Variants in ADGB observed in about 807,000 individuals in gnomAD.
ADGB encodes the protein androglobin, also known as calpain-7-like protein.
ADGB carries 172 observed loss-of-function variants against 210.5 expected under a neutral mutation model. The observed-to-expected ratio is 0.82, with a 90% CI of 0.72 to 0.93. The LOEUF (loss-of-function observed/expected upper bound fraction) is 0.93, where lower values mean the gene tolerates loss of function less well. Ranked by LOEUF, ADGB falls within the 40% of genes least tolerant of loss-of-function variation. The pLI is 0.00. For synonymous variants in ADGB, 658 were observed against 662.7 expected, an observed-to-expected ratio of 0.99 and a Z score of 0.11; for missense variants, 2,025 against 1,964.8, an observed-to-expected ratio of 1.03 and a Z score of -0.58.
chr6:146,727,247 T>C (rs576450874), intron 19 of ADGB, among the ~76,000 whole-genome samples: 81 of 148,548 alleles, frequency 5.5e-4, no homozygotes, highest in African/African-American at 1.8e-3. Context: ...CCAGCAAATT[T>C]CGTGGCAAGC....
chr6:146,628,756 A>T (rs1781017783), intron 1 of ADGB, among the ~76,000 whole-genome samples: 1 of 151,958 alleles, frequency 6.6e-6, no homozygotes, highest in African/African-American at 2.4e-5. Flanking sequence ...ATTTTCCGTA[A>T]GAAGTTTCTC....
chr6:146,740,200 A>G (rs1409601302), intron 23 of ADGB, among the ~76,000 whole-genome samples: 3 of 151,968 alleles, frequency 2.0e-5, no homozygotes, highest in South Asian at 4.1e-4. Flanking sequence ...TCCCTCAATC[A>G]TGAATCATGT....
intron 13 of ADGB, among the ~76,000 whole-genome samples, chr6:146,702,027 T>C (rs1184284238): frequency 6.6e-6 from 1 of 151,994 alleles, no homozygotes; most frequent in Non-Finnish European, 1.5e-5. Context: ...CTTGCCTGTA[T>C]TGACAAATTT....
intron 1 of ADGB, 131 bp from the exon 2 acceptor site, chr6:146,635,244 G>A: frequency 2.5e-6 from 2 of 802,344 alleles, no homozygotes; most frequent in Non-Finnish European, 3.4e-6. Context: ...CTAGCCACAA[G>A]TATGATTGTA....
At chr6:146,669,900 A>T (rs1031171113) in intron 7 of ADGB, among the ~76,000 whole-genome samples, 18 of 152,044 alleles carry the variant, frequency 1.2e-4, no homozygotes, top group Admixed American at 6.6e-5. Context: ...CAACCTCCTA[A>T]ACTGCACCAT....
chr6:146,672,300 A>G lies in ADGB; in HGVS notation c.920A>G (p.Glu307Gly). 1 of 1,551,420 alleles carries G rather than the reference A, an allele frequency of 6.4e-7. No individual in the cohort carries two copies. Residue 307 changes from glutamate (E) to glycine (G), a missense_variant, in exon 8 of 36, where the codon GAA becomes GGA. By Grantham distance (98) the Glu-to-Gly change is moderately conservative. Transcript: ENST00000397944. ...AAGCTGTCAGATGAGGCCAGCTCTGAAAGCAAAATAGCAGTGTTAGATTCT... is the reference window on the plus strand; with the variant it reads ...AAGCTGTCAGATGAGGCCAGCTCTGGAAGCAAAATAGCAGTGTTAGATTCT... ...EFKLSDEASS[E>G]SKIAVLDSKL...
chr6:146,626,696 T>A (rs571082719), intron 1 of ADGB, among the ~76,000 whole-genome samples: 1 of 151,962 alleles, frequency 6.6e-6, no homozygotes, highest in African/African-American at 2.4e-5. Flanking sequence ...GCTTTTAAAA[T>A]TTTTTTACCA....
At chr6:146,670,186 T>C (rs960398011) in intron 7 of ADGB, among the ~76,000 whole-genome samples, 1 of 152,172 alleles carries the variant, frequency 6.6e-6, no homozygotes, top group Non-Finnish European at 1.5e-5. Context: ...GTTAAGTTGG[T>C]AATCAGAAGA....
chr6:146,782,487 G>A (rs1453730221), intron 30 of ADGB, among the ~76,000 whole-genome samples: 3 of 152,174 alleles, frequency 2.0e-5, no homozygotes, highest in African/African-American at 7.2e-5. Context: ...GTCTAATAAT[G>A]GAGGAGACTG....
At chr6:146,601,823 C>T (rs1436556652) in intron 1 of ADGB, among the ~76,000 whole-genome samples, 3 of 152,148 alleles carry the variant, frequency 2.0e-5, no homozygotes, top group Non-Finnish European at 4.4e-5. Context: ...GCTTTTGCCT[C>T]ATATGTCAAC....
At chr6:146,631,566 C>T (rs1781066401) in intron 1 of ADGB, among the ~76,000 whole-genome samples, 1 of 152,114 alleles carries the variant, frequency 6.6e-6, no homozygotes, top group Admixed American at 6.6e-5. Flanking sequence ...ATGTAAATTA[C>T]AGGCATTCAT....
At chr6:146,625,498 A>T (rs574593358) in intron 1 of ADGB, among the ~76,000 whole-genome samples, 1 of 152,224 alleles carries the variant, frequency 6.6e-6, no homozygotes, top group African/African-American at 2.4e-5. Flanking sequence ...GTCCTTTCCA[A>T]ATATCCTGTT....
intron 13 of ADGB, among the ~76,000 whole-genome samples, chr6:146,708,924 T>G (rs1460219386): frequency 1.3e-5 from 2 of 152,140 alleles, no homozygotes; most frequent in East Asian, 3.9e-4. Context: ...TGAGTGCATA[T>G]TTTCCAATAG....
chr6:146,693,054 A>C, intron 12 of ADGB, 139 bp downstream of exon 12: 1 of 554,128 alleles, frequency 1.8e-6, no homozygotes, highest in Non-Finnish European at 3.2e-6. Context: ...TAAAAACTTT[A>C]AAAGGACATT....
At chr6:146,746,367 G>T (rs1410256228) in intron 26 of ADGB, among the ~76,000 whole-genome samples, 1 of 152,072 alleles carries the variant, frequency 6.6e-6, no homozygotes, top group Non-Finnish European at 1.5e-5. Flanking sequence ...TCATGACATG[G>T]CTTCCTCTTA....
At chr6:146,636,085 A>G (rs186961800) in intron 2 of ADGB, among the ~76,000 whole-genome samples, 171 of 152,128 alleles carry the variant, frequency 1.1e-3, no homozygotes, top group African/African-American at 3.8e-3. Context: ...GAATTTCTGC[A>G]TTTTCCAATT....
rs1462514186 is a variant in ADGB, at chr6:146,785,520, G to A, written c.4213-90G>A. 3.3e-5 allele frequency: 31 copies of A among 942,870 alleles called. No homozygotes were observed. In the Admixed American group the frequency reaches 4.0e-4, roughly 12 times the overall value. 58.4% of individuals were successfully genotyped at this position (942,870 alleles called of 1,614,324 possible). A position where few individuals can be genotyped will look rare whatever the true frequency, so the allele number is the denominator to read the frequency against. ...TATTTAATTCACATTTTCCTGTTTCGTTTTCGATTGAATACCATTAACATG... is the reference window on the plus strand; with the variant it reads ...TATTTAATTCACATTTTCCTGTTTCATTTTCGATTGAATACCATTAACATG... On this transcript the variant is annotated intron_variant, in intron 31 of 35. Transcript: ENST00000397944.
chr6:146,743,778 G>A (rs2114601733), intron 25 of ADGB, among the ~76,000 whole-genome samples: 1 of 152,284 alleles, frequency 6.6e-6, no homozygotes, highest in South Asian at 2.1e-4. Flanking sequence ...GCCAGGCGTG[G>A]TGGCGTGCGC....
intron 5 of ADGB, among the ~76,000 whole-genome samples, chr6:146,661,329 C>T (rs370176386): frequency 4.7e-5 from 7 of 149,054 alleles, no homozygotes; most frequent in African/African-American, 1.7e-4. Context: ...CAGTGATCCT[C>T]CTGCCTCAGC....
Sources: allele counts gnomAD v4.1 joint callset (sites outside exome capture counted in the v4.1 genomes callset), GRCh38; gene constraint gnomAD v4.1.1; transcripts MANE v1.5; gene names NCBI Gene and HGNC (gene_info 2026-07-23, HGNC 2026-07-21).